Variants in ST8SIA1 observed in about 807,000 individuals in gnomAD.
ST8SIA1 encodes alpha-N-acetylneuraminide alpha-2,8-sialyltransferase.
In ST8SIA1, 16 loss-of-function variants were observed where a neutral mutation model predicts 35.9. That is an observed-to-expected ratio of 0.45 (90% CI 0.30 to 0.68). The LOEUF is 0.68. ST8SIA1 is among the 30% of genes least tolerant of loss of function. ST8SIA1 has a pLI of 0.09. For missense variants in ST8SIA1, 383 were observed against 453.6 expected (o/e 0.84, Z 1.41); for synonymous variants, 170 against 169.6 (o/e 1.00, Z -0.02).
chr12:22,324,616 T>C (rs1866650544), intron 1 of ST8SIA1: 1 of 152,156 alleles, frequency 6.6e-6, no homozygotes, highest in East Asian at 1.9e-4. Flanking sequence ...CAGAAGAATA[T>C]AAACCAAAAT....
At position 22,287,244 on chromosome 12, in the gene ST8SIA1, T is replaced by C. The variant is rs778343269; in HGVS notation, c.286A>G (p.Lys96Glu). The C allele has an allele frequency of 1.9e-6, 3 of 1,614,158 alleles. No individual in the cohort carries two copies. In the East Asian group the frequency reaches 6.7e-5, roughly 36 times the overall value. Residue 96 changes from lysine to glutamate, a missense_variant, in exon 2 of 5, where the codon AAA (lysine) becomes GAA (glutamate). Physicochemically the swap from Lys to Glu is moderately conservative, Grantham distance 56 (BLOSUM62 1). Transcript: ENST00000396037. ...CTCTTCCCCATAGGGGAATTCATTT[T>C]AGTCATAGCAAAGAGATGGGCAGGG... Reference protein sequence around the residue: ...CDPAHLFAMTKMNSPMGKSMW... With the variant: ...CDPAHLFAMTEMNSPMGKSMW...
chr12:22,253,340 A>G (rs1054293919), intron 3 of ST8SIA1, among the ~76,000 whole-genome samples: 5 of 152,028 alleles, frequency 3.3e-5, no homozygotes, highest in Non-Finnish European at 5.9e-5. Flanking sequence ...TCACCTATTC[A>G]TGCTCTCTAG....
At position 22,195,818 on chromosome 12, in the gene ST8SIA1, A is replaced by T; in HGVS notation, c.*5734T>A. 6.6e-6 allele frequency: 1 copy of T among 152,110 alleles called. No homozygotes were observed. Among genetic ancestry groups the T allele is most frequent in the Non-Finnish European group, 1.5e-5 (1 of 68,026 alleles). 9.4% of individuals were successfully genotyped at this position (152,110 alleles called of 1,614,324 possible). Reference sequence around the variant, plus strand: ...TTTTTTATTACAATTTTCTGTTCGTAATGCTGTGCAGATAAAATAGACATT... The same window carrying T: ...TTTTTTATTACAATTTTCTGTTCGTTATGCTGTGCAGATAAAATAGACATT... On this transcript the variant is annotated 3_prime_UTR_variant, in exon 5 of 5. Transcript: ENST00000396037.
chr12:22,268,397 G>C (rs1343966581), intron 2 of ST8SIA1: 1 of 152,268 alleles, frequency 6.6e-6, no homozygotes, highest in Non-Finnish European at 1.5e-5. Context: ...GGAAGTGCTA[G>C]AGACTGTGGC....
intron 2 of ST8SIA1, among the ~76,000 whole-genome samples, chr12:22,265,585 G>A (rs754985866): frequency 1.9e-4 from 29 of 152,136 alleles, no homozygotes; most frequent in Admixed American, 2.0e-4. Context: ...AGAATTAAAT[G>A]ACTTATGTCT....
At chr12:22,288,540 C>T (rs1866133242) in intron 1 of ST8SIA1, among the ~76,000 whole-genome samples, 1 of 152,170 alleles carries the variant, frequency 6.6e-6, no homozygotes, top group African/African-American at 2.4e-5. Context: ...CTGCAGGAGC[C>T]CCGCGGTGTG....
intron 2 of ST8SIA1, among the ~76,000 whole-genome samples, chr12:22,259,401 A>G (rs1317048509): frequency 6.6e-6 from 1 of 152,160 alleles, no homozygotes; most frequent in Non-Finnish European, 1.5e-5. Context: ...TAATACGTCA[A>G]TGAACAATAA....
At chr12:22,323,177 G>T (rs1866625653) in intron 1 of ST8SIA1, among the ~76,000 whole-genome samples, 1 of 152,198 alleles carries the variant, frequency 6.6e-6, no homozygotes, top group Non-Finnish European at 1.5e-5. Flanking sequence ...GGGTTTACCT[G>T]CCACTGTACA....
In ST8SIA1 at chr12:22,277,326, G is replaced by A. The variant is rs559722502; in HGVS notation, c.381+9823C>T. The stretch of plus-strand genomic sequence containing the variant: ...TTTTATAACAACAAAATTGGCAGAG[G>A]GTGGAGGATGTCACAGAAAGGCAAA... On this transcript the variant is annotated intron_variant, in intron 2 of 4. Coordinates refer to ENST00000396037, the MANE Select transcript of ST8SIA1 (RefSeq NM_003034.4). 5.3e-5 allele frequency among the ~76,000 whole-genome samples: 8 copies of A among 151,870 alleles called. No individual in the cohort carries two copies. The South Asian group carries it at 1.7e-3, about 32-fold the overall frequency.
intron 2 of ST8SIA1, among the ~76,000 whole-genome samples, chr12:22,283,378 A>C (rs565032030): frequency 1.3e-5 from 2 of 152,078 alleles, no homozygotes; most frequent in Non-Finnish European, 2.9e-5. Flanking sequence ...CCTTGGCAAG[A>C]TATCTTAGGT....
Position 22,334,358 on chromosome 12 carries a change from G to T in ST8SIA1, c.-126C>A. The T allele has an allele frequency of 1.5e-6, 1 of 689,630 alleles. No individual in the cohort carries two copies. Among genetic ancestry groups the T allele is most frequent in the Non-Finnish European group, 2.4e-6 (1 of 415,632 alleles). 42.7% of individuals were successfully genotyped at this position (689,630 alleles called of 1,614,324 possible). On this transcript the variant is annotated 5_prime_UTR_variant, in exon 1 of 5. Transcript: ENST00000396037. ...ACCTTTGGTTCTCTTACTTGCAAAC[G>T]CACGCACGCTTCTTCGGCCCCGTCG...
chr12:22,229,995 T>G (rs1453318263), intron 4 of ST8SIA1, among the ~76,000 whole-genome samples: 1 of 152,212 alleles, frequency 6.6e-6, no homozygotes, highest in Non-Finnish European at 1.5e-5. Context: ...CAGAAACATG[T>G]GTTAAGTGCA....
Position 22,195,848 on chromosome 12 carries a change from G to A in ST8SIA1, c.*5704C>T, listed in dbSNP as rs1864981289. 6.6e-6 allele frequency: 1 copy of A among 152,008 alleles called. No homozygotes were observed. Among genetic ancestry groups the A allele is most frequent in the Non-Finnish European group, 1.5e-5 (1 of 67,992 alleles). The allele number at this position is 152,008 out of a possible 1,614,324, so 9.4% of individuals were successfully genotyped here. ...TGTGCAGATAAAATAGACATTAACT[G>A]ATTCTTACTTTTCTTTGCCTTGGAT... On this transcript the variant is annotated 3_prime_UTR_variant, in exon 5 of 5. Transcript: ENST00000396037.
Position 22,194,440 on chromosome 12 carries a change from ACTT to A in ST8SIA1, c.*7109_*7111del, listed in dbSNP as rs1864959297. 6.6e-6 allele frequency: 1 copy of A among 152,176 alleles called. No individual in the cohort carries two copies. The highest frequency in any genetic ancestry group is 6.5e-5 in the Admixed American group (1 of 15,280). The allele number at this position is 152,176 out of a possible 1,614,324, so 9.4% of individuals were successfully genotyped here. Reference sequence around the variant, plus strand: ...TAGTCACATTTGCTACATTTATAGGACTTCTTGATAATAACGATACAACTTGGA... The same window carrying A: ...TAGTCACATTTGCTACATTTATAGGACTTGATAATAACGATACAACTTGGA... On this transcript the variant is annotated 3_prime_UTR_variant, in exon 5 of 5. Coordinates refer to ENST00000396037, the MANE Select transcript of ST8SIA1 (RefSeq NM_003034.4).
At position 22,258,476 on chromosome 12, in the gene ST8SIA1, T is replaced by TA. The variant is rs61335915; in HGVS notation, c.382-3088dup. 2.6e-3 allele frequency among the ~76,000 whole-genome samples: 385 copies of TA among 146,994 alleles called. 1 individual carries two copies. The highest frequency in any genetic ancestry group is 8.5e-3 in the African/African-American group (341 of 40,310). ...GAAGAGGTCTAAGAATTGTCCAAGT[T>TA]AAAAAAAAAAAAGTGTCTAAAGAAG... is the stretch of plus-strand genomic sequence containing the variant. On this transcript the variant is annotated intron_variant, in intron 2 of 4. Transcript: ENST00000396037.
intron 4 of ST8SIA1, among the ~76,000 whole-genome samples, chr12:22,211,007 T>C (rs1452659229): frequency 6.6e-6 from 1 of 152,198 alleles, no homozygotes; most frequent in African/African-American, 2.4e-5. Context: ...ATAAATTCTC[T>C]CAGAAAACAC....
At chr12:22,265,173 C>T (rs1265103854) in intron 2 of ST8SIA1, among the ~76,000 whole-genome samples, 1 of 152,182 alleles carries the variant, frequency 6.6e-6, no homozygotes, top group African/African-American at 2.4e-5. Flanking sequence ...GTCTATACTT[C>T]AGGGCAGAGG....
At chr12:22,248,843 T>C in intron 4 of ST8SIA1, 163 bp downstream of exon 4, 1 of 564,844 alleles carries the variant, frequency 1.8e-6, no homozygotes, top group South Asian at 2.6e-5. Context: ...TGGATTCCCA[T>C]AATCCTGTTT....
In ST8SIA1 at chr12:22,201,776, C is replaced by T; in HGVS notation, c.847G>A (p.Ala283Thr). ...GCCACCTCTTCACAGAGACCCAGAG[C>T]TGCGCTCACCAGAAAAAGTCCTGTG... ...LSTGLFLVSA[A>T]LGLCEEVAIY... Residue 283 changes from alanine (A) to threonine (T), a missense_variant, in exon 5 of 5, where the codon GCT becomes ACT. Transcript: ENST00000396037. The T allele has an allele frequency of 6.2e-7, 1 of 1,614,134 alleles. No homozygotes were observed. Among genetic ancestry groups the T allele is most frequent in the South Asian group, 1.1e-5 (1 of 91,090 alleles).
Sources: gnomAD v4.1 joint callset for allele counts (sites outside exome capture counted in the v4.1 genomes callset) on GRCh38, gnomAD v4.1.1 for gene constraint, MANE v1.5 for transcripts, NCBI Gene and HGNC (gene_info 2026-07-23, HGNC 2026-07-21) for gene names.